Variants in PCDHGB4 observed in about 807,000 individuals in gnomAD.
PCDHGB4 encodes protocadherin gamma subfamily B, 4.
In PCDHGB4, 38 loss-of-function variants were observed where a neutral mutation model predicts 60.5. That is an observed-to-expected ratio of 0.63 (90% CI 0.48 to 0.82). The LOEUF (loss-of-function observed/expected upper bound fraction) is 0.82. Among genes scored for constraint, PCDHGB4 ranks in the 40% least tolerant of loss-of-function variants. The probability of loss-of-function intolerance (pLI) is 0.00; values close to 1 mark genes in which losing one functional copy is unlikely to be tolerated. For missense variants in PCDHGB4, 1,109 were observed against 1,209.6 expected (o/e 0.92, Z 1.23); for synonymous variants, 456 against 509.7 (o/e 0.89, Z 1.42).
At chr5:141,427,923 C>T (rs2097089935) in intron 1 of PCDHGB4, 3 of 1,580,656 alleles carry the variant, frequency 1.9e-6, no homozygotes, top group African/African-American at 1.3e-5. Context: ...CATGAGCCGG[C>T]GCATGTTGGT....
chr5:141,460,454 T>A (rs1010186960), intron 1 of PCDHGB4, among the ~76,000 whole-genome samples: 6 of 152,194 alleles, frequency 3.9e-5, no homozygotes, highest in Admixed American at 3.3e-4. Flanking sequence ...TGAAGATTCA[T>A]ATTTTTTTCC....
intron 1 of PCDHGB4, among the ~76,000 whole-genome samples, chr5:141,438,615 TATATATATATATATATATATACACACAC>T (rs2098021754): frequency 1.1e-4 from 4 of 35,920 alleles, no homozygotes; most frequent in Non-Finnish European, 1.8e-4. Flanking sequence ...TATATATATA[TATATATATATATATATATATACACACAC>T]ACACACACAT....
Position 141,408,360 on chromosome 5 carries a change from A to G in PCDHGB4, c.2397+18079A>G, listed in dbSNP as rs373951875. 2.4e-5 allele frequency: 38 copies of G among 1,613,808 alleles called. No homozygotes were observed. In the African/African-American group the frequency reaches 3.7e-4, roughly 16 times the overall value. ...TCGGTGGTGGGGAACCTCGCTAAGG[A>G]TCTAGGGCTCAGTGTCCTGGATGTG... On this transcript the variant is annotated intron_variant, in intron 1 of 3. Coordinates refer to ENST00000519479, the MANE Select transcript of PCDHGB4 (RefSeq NM_003736.4).
chr5:141,425,979 A>T lies in PCDHGB4; in HGVS notation c.2397+35698A>T, dbSNP rs114212354. ...GTCCAACACATCAGTCTAATTCTGA[A>T]TCCCATTGAATTAGCAAAGGCTTCC... On this transcript the variant is annotated intron_variant, in intron 1 of 3. Coordinates refer to ENST00000519479, the MANE Select transcript of PCDHGB4 (RefSeq NM_003736.4). Among the ~76,000 whole-genome samples, 592 of 152,328 alleles carry T rather than the reference A, an allele frequency of 3.9e-3. 5 individuals carry two copies. Among genetic ancestry groups the T allele is most frequent in the African/African-American group, 0.014 (563 of 41,580 alleles).
rs1387677265 is a variant in PCDHGB4 at position 141,486,434 on chromosome 5, T to C, written c.2398-8373T>C. 3 of 1,614,150 alleles carry C rather than the reference T, an allele frequency of 1.9e-6. No homozygotes were observed. The highest frequency in any genetic ancestry group is 2.5e-6 in the Non-Finnish European group (3 of 1,179,986). The stretch of plus-strand genomic sequence containing the variant: ...CTTGGATCGAGAGGCCAAATCTAGC[T>C]ATGACATCATGGTCACTGCTTCTGA... On this transcript the variant is annotated intron_variant, in intron 1 of 3. Coordinates refer to ENST00000519479, the MANE Select transcript of PCDHGB4 (RefSeq NM_003736.4). This position sits in a 1 kb window ranked among gnomAD's most constrained non-coding sequence, Gnocchi z 5.0.
rs1165828230 is a variant in PCDHGB4, at chr5:141,511,464, C to T, written c.*291C>T. On this transcript the variant is annotated 3_prime_UTR_variant, in exon 4 of 4. Coordinates refer to ENST00000519479, the MANE Select transcript of PCDHGB4 (RefSeq NM_003736.4). ...ACACCAAGAACCATTTGCCACACCCCGTTTAGTTACAGCTGAACTCCTCCA... is the reference window on the plus strand; with the variant it reads ...ACACCAAGAACCATTTGCCACACCCTGTTTAGTTACAGCTGAACTCCTCCA... 9 of 538,254 alleles carry T rather than the reference C, an allele frequency of 1.7e-5. No individual in the cohort carries two copies. The highest frequency in any genetic ancestry group is 7.8e-5 in the East Asian group (2 of 25,720). 33.3% of individuals were successfully genotyped at this position (538,254 alleles called of 1,614,324 possible).
chr5:141,470,021 C>T (rs111919483), intron 1 of PCDHGB4, among the ~76,000 whole-genome samples: 8 of 152,156 alleles, frequency 5.3e-5, no homozygotes, highest in African/African-American at 1.9e-4. Flanking sequence ...CCCAGCTACT[C>T]GGGATGCTGA....
At chr5:141,397,813 A>G (rs2093571371) in intron 1 of PCDHGB4, among the ~76,000 whole-genome samples, 2 of 152,216 alleles carry the variant, frequency 1.3e-5, no homozygotes, top group Non-Finnish European at 2.9e-5. Flanking sequence ...GCACACAAAA[A>G]CAATTACTGC....
At chr5:141,507,132 C>T (rs748716107) in intron 3 of PCDHGB4, 2 of 152,188 alleles carry the variant, frequency 1.3e-5, no homozygotes, top group African/African-American at 2.4e-5. Flanking sequence ...GATCCAGCCT[C>T]GGCTTCTCTA....
intron 1 of PCDHGB4, among the ~76,000 whole-genome samples, chr5:141,481,695 T>A (rs2099542216): frequency 1.3e-5 from 2 of 152,122 alleles, no homozygotes; most frequent in Non-Finnish European, 2.9e-5. Context: ...GGCTCACGCC[T>A]GTAATCCCAG....
Position 141,491,414 on chromosome 5 carries a change from G to A in PCDHGB4, c.2398-3393G>A. On this transcript the variant is annotated intron_variant, in intron 1 of 3. Coordinates refer to ENST00000519479, the MANE Select transcript of PCDHGB4 (RefSeq NM_003736.4). The surrounding 1 kb of genome is among the most constrained non-coding windows in gnomAD (Gnocchi z 6.9). ...CTTCAGGGAAACGCAGACGGGGACGGGGGTGGAGGGCAGTGCTGCAGGCGC... is the reference window on the plus strand; with the variant it reads ...CTTCAGGGAAACGCAGACGGGGACGAGGGTGGAGGGCAGTGCTGCAGGCGC... 2 of 1,614,126 alleles carry A rather than the reference G, an allele frequency of 1.2e-6. No individual in the cohort carries two copies. Among genetic ancestry groups the A allele is most frequent in the Non-Finnish European group, 1.7e-6 (2 of 1,180,022 alleles).
In PCDHGB4 at chr5:141,493,930, A is replaced by G. The variant is rs547125826; in HGVS notation, c.2398-877A>G. Among the ~76,000 whole-genome samples the G allele has an allele frequency of 6.6e-6, 1 of 152,268 alleles. No homozygotes were observed. The highest frequency in any genetic ancestry group is 6.5e-5 in the Admixed American group (1 of 15,300). ...TGTGATGGGATAACACACCCCCTGG[A>G]AAGACCAGAAGGGACTCAGGAATGA... On this transcript the variant is annotated intron_variant, in intron 1 of 3. Transcript: ENST00000519479. This position sits in a 1 kb window ranked among gnomAD's most constrained non-coding sequence, Gnocchi z 4.3.
chr5:141,410,269 G>A, intron 1 of PCDHGB4: 1 of 1,614,060 alleles, frequency 6.2e-7, no homozygotes, highest in Non-Finnish European at 8.5e-7. Flanking sequence ...CTGAACTGCA[G>A]TTTTACCTGG....
At chr5:141,463,301 A>G (rs1277348576) in intron 1 of PCDHGB4, among the ~76,000 whole-genome samples, 2 of 151,638 alleles carry the variant, frequency 1.3e-5, no homozygotes, top group South Asian at 2.1e-4. Flanking sequence ...AATCTCCCCA[A>G]ACTCTAATAT....
intron 1 of PCDHGB4, among the ~76,000 whole-genome samples, chr5:141,450,485 TTGTC>T (rs1466269978): frequency 1.3e-5 from 2 of 152,158 alleles, no homozygotes; most frequent in African/African-American, 2.4e-5. Flanking sequence ...GTTTGTTTGT[TTGTC>T]TGTTTGTTTG....
intron 1 of PCDHGB4, 78 bp downstream of exon 1, chr5:141,390,359 C>T: frequency 1.3e-6 from 2 of 1,538,574 alleles, no homozygotes; most frequent in Admixed American, 1.9e-5. Flanking sequence ...TACATATTTG[C>T]AGGAAAATAT....
intron 1 of PCDHGB4, chr5:141,421,331 C>T: frequency 1.2e-6 from 2 of 1,613,856 alleles, no homozygotes; most frequent in East Asian, 2.2e-5. Flanking sequence ...ATCCGATATT[C>T]GGTGCCAGAA....
At chr5:141,423,674 C>T (rs57195665) in intron 1 of PCDHGB4, 3 of 1,514,742 alleles carry the variant, frequency 2.0e-6, no homozygotes, top group African/African-American at 1.5e-5. Context: ...AGATTTATTT[C>T]TCTGCCTCCT....
chr5:141,499,418 A>G (rs143234735), intron 2 of PCDHGB4, among the ~76,000 whole-genome samples: 1 of 152,296 alleles, frequency 6.6e-6, no homozygotes, highest in East Asian at 1.9e-4. Context: ...GAAACATGAA[A>G]AATAGAAAAA....
Sources: allele counts gnomAD v4.1 joint callset (sites outside exome capture counted in the v4.1 genomes callset), GRCh38; gene constraint gnomAD v4.1.1; non-coding constraint Gnocchi (gnomAD v3.1); transcripts MANE v1.5; gene names NCBI Gene and HGNC (gene_info 2026-07-23, HGNC 2026-07-21).